The following SND1 variants were observed in gnomAD, a reference collection of about 807,000 sequenced individuals.
The protein encoded by SND1 is staphylococcal nuclease and tudor domain containing 1.
Under a neutral mutation model 121.7 loss-of-function variants are expected in SND1, and 38 were observed. The ratio of observed to expected loss-of-function variants is 0.31; its 90% CI spans 0.24 to 0.41. The LOEUF is 0.41. Among genes scored for constraint, SND1 ranks in the 10% least tolerant of loss-of-function variants. The probability of loss-of-function intolerance (pLI) is 1.00; values close to 1 mark genes in which losing one functional copy is unlikely to be tolerated. For missense variants in SND1, 868 were observed against 1,184.6 expected (o/e 0.73, Z 3.92); for synonymous variants, 401 against 447.4 (o/e 0.90, Z 1.31).
rs772556719 is a variant in SND1 at position 127,991,012 on chromosome 7, G to A, written c.1735G>A (p.Glu579Lys). ...GLVQEGEPFSEEATLFTKELV... is the reference protein window; with the variant it reads ...GLVQEGEPFSKEATLFTKELV... Reference sequence around the variant, plus strand: ...GGTGCAGGAAGGAGAGCCCTTCAGCGAGGAAGCTACACTTTTCACCAAGGA... The same window carrying A: ...GGTGCAGGAAGGAGAGCCCTTCAGCAAGGAAGCTACACTTTTCACCAAGGA... The change falls in exon 16 of 24, where the codon GAG becomes AAG. Residue 579 changes from glutamate (E) to lysine (K), a missense_variant. Transcript: ENST00000354725. The A allele has an allele frequency of 2.1e-5, 34 of 1,613,910 alleles. No individual in the cohort carries two copies. The highest frequency in any genetic ancestry group is 1.6e-4 in the Middle Eastern group (1 of 6,076).
Position 127,703,252 on chromosome 7 carries a change from C to A in SND1, c.769C>A (p.Leu257Ile). ...EAKFFTESRL[L>I]QRDVQIILES... ...CAAATTTTTCACTGAGTCGCGACTG[C>A]TTCAGAGAGATGTTCAGATCATTCT... Residue 257 changes from leucine (L) to isoleucine (I), a missense_variant, in exon 7 of 24, where the codon CTT (leucine) becomes ATT (isoleucine). This residue lies in a region of SND1 where 743 missense variants were observed against 1,071.3 expected (regional missense o/e 0.69). Transcript: ENST00000354725. 1 of 1,614,188 alleles carries A rather than the reference C, an allele frequency of 6.2e-7. No individual in the cohort carries two copies. Among genetic ancestry groups the A allele is most frequent in the Non-Finnish European group, 8.5e-7 (1 of 1,180,002 alleles).
intron 1 of SND1, among the ~76,000 whole-genome samples, chr7:127,660,009 C>CTT (rs58679623): frequency 3.0e-5 from 4 of 133,728 alleles, no homozygotes; most frequent in Non-Finnish European, 6.4e-5. Context: ...TGTTCCTATT[C>CTT]TTTTTTTTTT....
At chr7:128,046,292 T>A (rs1039414120) in intron 16 of SND1, among the ~76,000 whole-genome samples, 4 of 151,890 alleles carry the variant, frequency 2.6e-5, no homozygotes, top group Admixed American at 6.6e-5. Flanking sequence ...AGAGATGGGA[T>A]CCTGCTATGT....
intron 18 of SND1, chr7:128,082,011 G>A (rs1793611733): frequency 1.9e-6 from 1 of 529,890 alleles, no homozygotes; most frequent in Non-Finnish European, 3.9e-6. Context: ...CATGGAAACA[G>A]GCAGCGCTCT....
At chr7:127,706,738 A>G (rs1416634439) in intron 8 of SND1, among the ~76,000 whole-genome samples, 1 of 152,196 alleles carries the variant, frequency 6.6e-6, no homozygotes, top group Non-Finnish European at 1.5e-5. Context: ...GCTGTTTTGC[A>G]TGCTGTATTT....
chr7:128,082,055 C>T (rs1793613712), intron 18 of SND1: 1 of 491,210 alleles, frequency 2.0e-6, no homozygotes, highest in African/African-American at 2.0e-5. Context: ...CTCTGAAGGA[C>T]CTTCTCCTCC....
intron 10 of SND1, among the ~76,000 whole-genome samples, chr7:127,769,922 G>A (rs1258475515): frequency 6.6e-6 from 1 of 152,170 alleles, no homozygotes; most frequent in Non-Finnish European, 1.5e-5. Context: ...TTCCTGATAA[G>A]GATATTTATG....
chr7:128,017,160 G>T (rs1007347060), intron 16 of SND1, among the ~76,000 whole-genome samples: 1 of 152,224 alleles, frequency 6.6e-6, no homozygotes, highest in African/African-American at 2.4e-5. Flanking sequence ...GAGGGATCCT[G>T]CTTTCCTCAT....
intron 16 of SND1, among the ~76,000 whole-genome samples, chr7:128,060,356 G>A (rs952590355): frequency 2.6e-5 from 4 of 152,198 alleles, no homozygotes; most frequent in African/African-American, 9.7e-5. Context: ...GAGGGTCCGT[G>A]AAGGAGAGTC....
At chr7:128,028,645 T>C (rs769747093) in intron 16 of SND1, 15 of 1,581,470 alleles carry the variant, frequency 9.5e-6, no homozygotes, top group African/African-American at 2.7e-5. Context: ...GTGTGCATTC[T>C]ATTGCATTTT....
intron 10 of SND1, among the ~76,000 whole-genome samples, chr7:127,731,155 C>A (rs543082588): frequency 6.6e-6 from 1 of 152,226 alleles, no homozygotes; most frequent in East Asian, 1.9e-4. Flanking sequence ...GAGGCATGGT[C>A]GCCATGGGTG....
intron 16 of SND1, among the ~76,000 whole-genome samples, chr7:128,071,025 T>C (rs2117046029): frequency 6.6e-6 from 1 of 152,318 alleles, no homozygotes; most frequent in Non-Finnish European, 1.5e-5. Context: ...TCACAATCTA[T>C]TTAGCATCAT....
intron 18 of SND1, among the ~76,000 whole-genome samples, chr7:128,083,483 AG>A (rs1480209060): frequency 6.6e-6 from 1 of 152,266 alleles, no homozygotes. Context: ...CCTCTGCAGC[AG>A]CTTAAGAGTG....
chr7:127,907,743 T>C (rs1391762403), intron 14 of SND1, among the ~76,000 whole-genome samples: 1 of 152,230 alleles, frequency 6.6e-6, no homozygotes, highest in African/African-American at 2.4e-5. Context: ...ATCATAATGG[T>C]GGAGCAAATA....
At chr7:127,652,982 TTG>T (rs1040768227) in intron 1 of SND1, among the ~76,000 whole-genome samples, 4 of 152,166 alleles carry the variant, frequency 2.6e-5, no homozygotes, top group African/African-American at 9.7e-5. Context: ...CTCCTGATCT[TTG>T]TGTACTTTTG....
At chr7:127,980,081 C>CTTTAT (rs1320858950) in intron 15 of SND1, among the ~76,000 whole-genome samples, 33 of 149,190 alleles carry the variant, frequency 2.2e-4, no homozygotes, top group Non-Finnish European at 4.2e-4. Context: ...TTTTTGCTTG[C>CTTTAT]TTTATTTTAT....
chr7:127,689,754 A>G (rs922563043), intron 2 of SND1, among the ~76,000 whole-genome samples: 7 of 152,050 alleles, frequency 4.6e-5, no homozygotes, highest in Non-Finnish European at 1.0e-4. Flanking sequence ...ATAGCTGCAG[A>G]TTTCATCTTT....
At chr7:127,968,815 T>C (rs938156091) in intron 15 of SND1, among the ~76,000 whole-genome samples, 5 of 152,202 alleles carry the variant, frequency 3.3e-5, no homozygotes, top group Non-Finnish European at 7.3e-5. Flanking sequence ...GGGCTGTGGT[T>C]CTCAGAAGAA....
chr7:127,963,398 T>TC (rs992680331), intron 15 of SND1, among the ~76,000 whole-genome samples: 1 of 134,998 alleles, frequency 7.4e-6, no homozygotes, highest in Non-Finnish European at 1.6e-5. Flanking sequence ...ATGCTATCCC[T>TC]CCCCCCTCCC....
Sources: allele counts gnomAD v4.1 joint callset (sites outside exome capture counted in the v4.1 genomes callset), GRCh38; gene constraint gnomAD v4.1.1; regional missense constraint gnomAD v4.1.1; transcripts MANE v1.5; gene names NCBI Gene and HGNC (gene_info 2026-07-23, HGNC 2026-07-21).